The following RPA1 variants were observed in gnomAD, a reference collection of about 807,000 sequenced individuals.
RPA1 encodes the protein replication protein A 70 kDa DNA-binding subunit.
A neutral mutation model predicts 83.0 loss-of-function variants in RPA1; 49 were observed. The ratio of observed to expected loss-of-function variants is 0.59; its 90% confidence interval spans 0.47 to 0.75. The LOEUF (loss-of-function observed/expected upper bound fraction) is 0.75. RPA1 is among the 30% of genes least tolerant of loss of function. RPA1 has a pLI of 0.00. For synonymous variants in RPA1, 279 were observed against 281.8 expected (o/e 0.99, Z 0.10); for missense variants, 693 against 776.1 (o/e 0.89, Z 1.27).
intron 5 of RPA1, among the ~76,000 whole-genome samples, chr17:1,854,681 G>T (rs569035135): frequency 2.6e-5 from 4 of 152,172 alleles, no homozygotes; most frequent in Non-Finnish European, 5.9e-5. Context: ...TCCAGCCTGG[G>T]AACACAGCAA....
intron 5 of RPA1, among the ~76,000 whole-genome samples, chr17:1,868,149 G>T (rs1292017302): frequency 6.6e-6 from 1 of 152,156 alleles, no homozygotes; most frequent in African/African-American, 2.4e-5. Flanking sequence ...TCAGTACCCA[G>T]CTCCACTGGG....
intron 8 of RPA1, among the ~76,000 whole-genome samples, chr17:1,877,695 G>A (rs942952469): frequency 2.0e-5 from 3 of 152,210 alleles, no homozygotes; most frequent in African/African-American, 7.2e-5. Flanking sequence ...GCTGGCAGGT[G>A]TACTGGAAGC....
At chr17:1,876,427 C>T (rs113554862) in intron 7 of RPA1, among the ~76,000 whole-genome samples, 2,520 of 151,996 alleles carry the variant, frequency 0.017, 74 homozygotes, top group African/African-American at 0.056. Context: ...TTGTGGAGCA[C>T]GCCTGTAATC....
chr17:1,893,617 C>T (rs1229644344), intron 15 of RPA1, among the ~76,000 whole-genome samples: 1 of 151,902 alleles, frequency 6.6e-6, no homozygotes, highest in African/African-American at 2.4e-5. Flanking sequence ...ATAGTTATTA[C>T]ACATTTATTT....
Position 1,884,250 on chromosome 17 carries a change from G to A in RPA1, c.1374+306G>A, listed in dbSNP as rs1352479607. On this transcript the variant is annotated intron_variant, in intron 13 of 16. Coordinates refer to ENST00000254719, the MANE Select transcript of RPA1 (RefSeq NM_002945.5). This position sits in a 1 kb window ranked among gnomAD's most constrained non-coding sequence, Gnocchi z 4.1. ...TGTGGTATAATATCACCTGCTTTCG[G>A]GTCCACGTTTCTTTCCTGTGATCCT... is the stretch of plus-strand genomic sequence containing the variant. Among the ~76,000 whole-genome samples the A allele has an allele frequency of 6.6e-6, 1 of 152,078 alleles. No homozygotes were observed. The highest frequency in any genetic ancestry group is 1.5e-5 in the Non-Finnish European group (1 of 68,028).
chr17:1,865,624 C>T (rs1913147537), intron 5 of RPA1, among the ~76,000 whole-genome samples: 2 of 152,138 alleles, frequency 1.3e-5, no homozygotes. Flanking sequence ...CCGCCCCTGC[C>T]ACCCACTGCT....
intron 1 of RPA1, among the ~76,000 whole-genome samples, chr17:1,841,446 G>A (rs1443191863): frequency 6.6e-6 from 1 of 152,100 alleles, no homozygotes; most frequent in Admixed American, 6.6e-5. Context: ...TGGGATTACA[G>A]GCATGCGCCA....
At chr17:1,872,251 C>G in intron 5 of RPA1, 183 bp from the exon 6 acceptor site, 1 of 873,690 alleles carries the variant, frequency 1.1e-6, no homozygotes, top group South Asian at 1.8e-5. Flanking sequence ...GTAATGAAAA[C>G]AAAAAGTGAA....
chr17:1,890,152 T>C (rs943901772), intron 14 of RPA1, among the ~76,000 whole-genome samples: 3 of 151,716 alleles, frequency 2.0e-5, no homozygotes, highest in Non-Finnish European at 4.4e-5. Context: ...GGATGATTGC[T>C]TGAGGCTGGG....
rs1012374505 is a variant in RPA1 at position 1,858,416 on chromosome 17, G to A, written c.361+5227G>A. 34 of 1,570,160 alleles carry A rather than the reference G, an allele frequency of 2.2e-5. No homozygotes were observed. The African/African-American group carries it at 2.7e-4, about 13-fold the overall frequency. Reference sequence around the variant, plus strand: ...CTAAAGTGGGCTCGGAGGCAATGACGACCAACGTGTCTCAGCAACAGCGCA... The same window carrying A: ...CTAAAGTGGGCTCGGAGGCAATGACAACCAACGTGTCTCAGCAACAGCGCA... On this transcript the variant is annotated intron_variant, in intron 5 of 16. Transcript: ENST00000254719.
chr17:1,847,358 G>C (rs1198071358), intron 4 of RPA1, among the ~76,000 whole-genome samples: 1 of 152,212 alleles, frequency 6.6e-6, no homozygotes, highest in African/African-American at 2.4e-5. Flanking sequence ...ATGGTTGTGG[G>C]AGAGGGTGGA....
Position 1,879,406 on chromosome 17 carries a change from A to AT in RPA1, c.951_952insT (p.Asp318Ter). On this transcript the variant is annotated frameshift_variant and splice_region_variant, in exon 10 of 17. Transcript: ENST00000254719. LOFTEE classifies it high-confidence loss of function. ...AGAACAAGTCGAAAGACTCACTTGTAGGTAAGCTCGTGTATGAGAAGGAAG... is the reference window on the plus strand; with the variant it reads ...AGAACAAGTCGAAAGACTCACTTGTATGGTAAGCTCGTGTATGAGAAGGAAG... 1 of 1,613,884 alleles carries AT rather than the reference A, an allele frequency of 6.2e-7. No individual in the cohort carries two copies. Among genetic ancestry groups the AT allele is most frequent in the Non-Finnish European group, 8.5e-7 (1 of 1,179,782 alleles).
At chr17:1,868,371 G>T (rs1275816693) in intron 5 of RPA1, among the ~76,000 whole-genome samples, 1 of 152,208 alleles carries the variant, frequency 6.6e-6, no homozygotes, top group Non-Finnish European at 1.5e-5. Flanking sequence ...GAGAACTAAA[G>T]TTCATTTTGT....
chr17:1,835,264 T>A (rs1457114012), intron 1 of RPA1, among the ~76,000 whole-genome samples: 1 of 152,012 alleles, frequency 6.6e-6, no homozygotes, highest in Non-Finnish European at 1.5e-5. Context: ...TCCTTCCACC[T>A]CAACCTCTCC....
Sources: allele counts gnomAD v4.1 joint callset (sites outside exome capture counted in the v4.1 genomes callset), GRCh38; gene constraint gnomAD v4.1.1; non-coding constraint Gnocchi (gnomAD v3.1); transcripts MANE v1.5; gene names NCBI Gene and HGNC (gene_info 2026-07-23, HGNC 2026-07-21).